Variants in TRIM75 observed in about 807,000 individuals in gnomAD.
TRIM75 encodes tripartite motif-containing protein 75.
At chr4:165,056,913 G>A in the TRIM75 span, among the ~76,000 whole-genome samples, 7 of 151,908 alleles carry the variant, frequency 4.6e-5, no homozygotes, top group South Asian at 2.1e-4. Context: ...CACTGCGCCC[G>A]GCCAATCCAT....
the TRIM75 span, among the ~76,000 whole-genome samples, chr4:165,058,630 T>C: frequency 6.6e-6 from 1 of 152,124 alleles, no homozygotes; most frequent in Non-Finnish European, 1.5e-5. Context: ...GTTCCAACTA[T>C]GTGGAATAGC....
the TRIM75 span, among the ~76,000 whole-genome samples, chr4:165,053,996 T>A: frequency 6.6e-6 from 1 of 152,194 alleles, no homozygotes; most frequent in South Asian, 2.1e-4. Context: ...TGGAGTGTAG[T>A]GAAACCCGTG....
At chr4:165,057,536 T>C in the TRIM75 span, among the ~76,000 whole-genome samples, 5 of 152,260 alleles carry the variant, frequency 3.3e-5, no homozygotes, top group South Asian at 2.1e-4. Flanking sequence ...TTGTTTTTTG[T>C]TTTTTGTTTG....
At chr4:165,059,388 C>A in the TRIM75 span, 1 of 780,824 alleles carries the variant, frequency 1.3e-6, no homozygotes, top group Admixed American at 1.7e-5. Flanking sequence ...TGCCAAGCTA[C>A]TCCAGAGCAC....
the TRIM75 span, among the ~76,000 whole-genome samples, chr4:165,054,788 T>TA: frequency 1.4e-4 from 21 of 152,260 alleles, no homozygotes; most frequent in South Asian, 4.4e-3. Flanking sequence ...AAATGCTTAC[T>TA]AAAAAAAGTT....
chr4:165,059,780 C>A, the TRIM75 span: 1 of 780,830 alleles, frequency 1.3e-6, no homozygotes. Context: ...AAGAGAAGGA[C>A]AATCAACAGA....
At chr4:165,060,185 T>G in the TRIM75 span, 3 of 780,842 alleles carry the variant, frequency 3.8e-6, no homozygotes, top group East Asian at 2.4e-5. Context: ...ATTTTCATTC[T>G]GGCAGGCATT....
the TRIM75 span, among the ~76,000 whole-genome samples, chr4:165,055,752 G>T: frequency 6.6e-6 from 1 of 152,118 alleles, no homozygotes; most frequent in African/African-American, 2.4e-5. Context: ...GATGCCTCAG[G>T]GCGAGAGAAT....
At chr4:165,059,875 T>C in the TRIM75 span, 4 of 780,004 alleles carry the variant, frequency 5.1e-6, no homozygotes, top group South Asian at 1.3e-5. Flanking sequence ...CTCAGTGAGC[T>C]GTCTGAACTG....
chr4:165,057,775 C>T, the TRIM75 span, among the ~76,000 whole-genome samples: 5,501 of 152,216 alleles, frequency 0.036, 301 homozygotes, highest in African/African-American at 0.12. Flanking sequence ...CTCAACTGAT[C>T]CTCCCACCTC....
the TRIM75 span, among the ~76,000 whole-genome samples, chr4:165,058,018 C>T: frequency 0.1 from 15,576 of 151,862 alleles, 944 homozygotes; most frequent in African/African-American, 0.17. Context: ...AAAATATTTT[C>T]GCAAATTTTG....
chr4:165,059,635 G>A, the TRIM75 span: 1 of 780,790 alleles, frequency 1.3e-6, no homozygotes, highest in Non-Finnish European at 2.4e-6. Context: ...AAATTAATAA[G>A]CACTCAAAGC....
chr4:165,059,544 A>G, the TRIM75 span: 3 of 780,826 alleles, frequency 3.8e-6, no homozygotes, highest in South Asian at 1.3e-5. Flanking sequence ...TGTGAGGCCC[A>G]TAGAGAAAGC....
the TRIM75 span, among the ~76,000 whole-genome samples, chr4:165,057,919 T>C: frequency 6.6e-6 from 1 of 152,256 alleles, no homozygotes; most frequent in Non-Finnish European, 1.5e-5. Context: ...TCCCATACAT[T>C]GGGAATATGT....
At chr4:165,057,669 T>G in the TRIM75 span, among the ~76,000 whole-genome samples, 7 of 152,218 alleles carry the variant, frequency 4.6e-5, no homozygotes, top group Non-Finnish European at 7.4e-5. Context: ...AAGTAGCTAT[T>G]ACAGGCATGT....
chr4:165,058,165 CTT>C, the TRIM75 span, among the ~76,000 whole-genome samples: 5 of 151,316 alleles, frequency 3.3e-5, no homozygotes, highest in South Asian at 2.1e-4. Context: ...ATCAGAAATA[CTT>C]TTTGTTTTTT....
the TRIM75 span, chr4:165,060,072 G>A: frequency 1.3e-6 from 1 of 780,806 alleles, no homozygotes; most frequent in Non-Finnish European, 2.4e-6. Context: ...TAACCTGATT[G>A]TATCTGAAGA....
the TRIM75 span, among the ~76,000 whole-genome samples, chr4:165,054,479 G>A: frequency 6.6e-6 from 1 of 152,142 alleles, no homozygotes; most frequent in Non-Finnish European, 1.5e-5. Flanking sequence ...ATGTTGGCCA[G>A]TATGGTCTCG....
At chr4:165,059,348 C>A in the TRIM75 span, 3 of 780,512 alleles carry the variant, frequency 3.8e-6, no homozygotes, top group East Asian at 2.4e-5. Context: ...ACTTCAGGAG[C>A]AACACCCAGC....
Sources: gnomAD v4.1 joint callset for allele counts (sites outside exome capture counted in the v4.1 genomes callset) on GRCh38, gnomAD v4.1.1 for gene constraint, MANE v1.5 for transcripts, NCBI Gene and HGNC (gene_info 2026-07-23, HGNC 2026-07-21) for gene names.